PCSK5: variants seen among roughly 807,000 people sequenced by gnomAD.
PCSK5 encodes prohormone convertase 5.
In PCSK5, 129 loss-of-function variants were observed where a neutral mutation model predicts 233.2. The ratio of observed to expected loss-of-function variants is 0.55; its 90% confidence interval spans 0.48 to 0.64. PCSK5 has a LOEUF of 0.64. PCSK5 is among the 30% of genes least tolerant of loss of function. The pLI, the probability that PCSK5 is intolerant of heterozygous loss-of-function variation, is 0.00. For missense variants in PCSK5, 2,076 were observed against 2,430.1 expected (o/e 0.85, Z 3.06); for synonymous variants, 825 against 879.2 (o/e 0.94, Z 1.09).
chr9:76,081,264 G>T (rs947724550), intron 7 of PCSK5, among the ~76,000 whole-genome samples: 3 of 152,068 alleles, frequency 2.0e-5, no homozygotes, highest in Admixed American at 6.6e-5. Context: ...AACCAGCTTG[G>T]CCAACATGGT....
At chr9:76,138,901 C>A (rs915244863) in intron 10 of PCSK5, among the ~76,000 whole-genome samples, 15 of 151,890 alleles carry the variant, frequency 9.9e-5, no homozygotes, top group Admixed American at 7.9e-4. Context: ...CTCTTTTTTT[C>A]TACCAGCATG....
intron 1 of PCSK5, among the ~76,000 whole-genome samples, chr9:75,928,850 T>G (rs1256888463): frequency 1.3e-5 from 2 of 151,850 alleles, no homozygotes; most frequent in African/African-American, 2.4e-5. Flanking sequence ...AATGTGATAA[T>G]TCTTTGATAC....
intron 7 of PCSK5, among the ~76,000 whole-genome samples, chr9:76,091,709 C>T (rs1471431178): frequency 3.3e-5 from 5 of 152,082 alleles, no homozygotes; most frequent in Admixed American, 2.0e-4. Context: ...ATTCACCAGC[C>T]CCCTGCCTGC....
intron 27 of PCSK5, among the ~76,000 whole-genome samples, chr9:76,298,228 G>T (rs140505628): frequency 4.0e-4 from 61 of 151,998 alleles, no homozygotes; most frequent in Admixed American, 7.9e-4. Context: ...ACTGGACTAC[G>T]CATTTTGCAA....
rs754185683 is a variant in PCSK5 at position 76,358,883 on chromosome 9, G to T, written c.5625G>T (p.Glu1875Asp). 9.3e-6 allele frequency: 15 copies of T among 1,612,726 alleles called. No individual in the cohort carries two copies. The South Asian group carries it at 1.5e-4, about 17-fold the overall frequency. ...TGCTGGATGACGATGACATAGATGA[G>T]CTGGAATATGATGACGAGAGTTACT... ...YGLLDDDDID[E>D]LEYDDESYSY... The change falls in exon 38 of 38, where the codon GAG (glutamate) becomes GAT (aspartate). Residue 1875 changes from glutamate (E) to aspartate (D), a missense_variant. Coordinates refer to ENST00000674117, the MANE Select transcript of PCSK5 (RefSeq NM_001372043.1).
rs1229905922 is a variant in PCSK5 at position 76,350,906 on chromosome 9, T to A, written c.5045T>A (p.Val1682Glu). The stretch of plus-strand genomic sequence containing the variant: ...GGGATCTGCACCTCGGACTGTCTTG[T>A]GGGGGAATACAGAGTGGGAGAGGTA... Reference protein sequence around the residue: ...MGGICTSDCLVGEYRVGEGEK... With the variant: ...MGGICTSDCLEGEYRVGEGEK... The change falls in exon 36 of 38, where the codon GTG becomes GAG. Residue 1682 changes from valine (V) to glutamate (E), a missense_variant. Physicochemically the swap from Val to Glu is moderately radical, Grantham distance 121 (BLOSUM62 -2). This residue lies in a region of PCSK5 where 1,510 missense variants were observed against 1,538.1 expected (regional missense o/e 0.98). Transcript: ENST00000674117. The A allele has an allele frequency of 1.2e-6, 2 of 1,603,062 alleles. No individual in the cohort carries two copies.
At chr9:76,012,624 G>A (rs1054662873) in intron 3 of PCSK5, among the ~76,000 whole-genome samples, 2 of 152,128 alleles carry the variant, frequency 1.3e-5, no homozygotes, top group East Asian at 3.8e-4. Flanking sequence ...TTTATTTGAG[G>A]TCATTATGTG....
rs1255264409 is a variant in PCSK5 at position 75,948,310 on chromosome 9, GC to G, written c.297+15834del. On this transcript the variant is annotated intron_variant, in intron 2 of 37. Transcript: ENST00000674117. ...TTCCCCTAATGCTATCCCTCCCCTC[GC>G]CCCCCCACCCCCCGAAAGGCCCCAT... Among the ~76,000 whole-genome samples the G allele has an allele frequency of 2.2e-4, 10 of 46,300 alleles. No homozygotes were observed. The East Asian group carries it at 6.8e-3, about 31-fold the overall frequency. 30.4% of individuals were successfully genotyped at this position (46,300 alleles called of 152,430 possible).
At chr9:76,096,256 TAGA>T (rs1207822741) in intron 8 of PCSK5, among the ~76,000 whole-genome samples, 154 bp downstream of exon 8, 1 of 151,750 alleles carries the variant, frequency 6.6e-6, no homozygotes. Context: ...TCGCTGATAA[TAGA>T]AGAAGTTGTA....
chr9:76,141,548 T>A (rs985613391), intron 10 of PCSK5, among the ~76,000 whole-genome samples: 1 of 152,144 alleles, frequency 6.6e-6, no homozygotes, highest in African/African-American at 2.4e-5. Flanking sequence ...GACACAGGTA[T>A]ACATCCATGT....
intron 25 of PCSK5, among the ~76,000 whole-genome samples, chr9:76,293,437 G>GT (rs970244898): frequency 7.9e-5 from 12 of 152,106 alleles, no homozygotes; most frequent in African/African-American, 2.9e-4. Context: ...GACCCACTTT[G>GT]TTTTTTTGGG....
chr9:75,969,872 C>CTTTT (rs35326945), intron 2 of PCSK5, among the ~76,000 whole-genome samples: 4 of 138,440 alleles, frequency 2.9e-5, no homozygotes, highest in Non-Finnish European at 3.1e-5. Context: ...TCCAGAAATC[C>CTTTT]TTTTTTTTTT....
At position 75,908,935 on chromosome 9, in the gene PCSK5, CTCTCTGTCTATCTA is replaced by C. The variant is rs1564074965; in HGVS notation, c.192+17566_192+17579del. 1.8e-4 allele frequency among the ~76,000 whole-genome samples: 21 copies of C among 116,358 alleles called. No homozygotes were observed. The South Asian group carries it at 2.1e-3, about 12-fold the overall frequency. The allele number at this position is 116,358 out of a possible 152,430, so 76.3% of individuals were successfully genotyped here. ...TCTATCTATCTATCTCTCTATCTCT[CTCTCTGTCTATCTA>C]TCTATCTATCTATCTATCTATCTAT... On this transcript the variant is annotated intron_variant, in intron 1 of 37. Coordinates refer to ENST00000674117, the MANE Select transcript of PCSK5 (RefSeq NM_001372043.1).
At chr9:75,904,637 C>G (rs1826182948) in intron 1 of PCSK5, among the ~76,000 whole-genome samples, 1 of 152,140 alleles carries the variant, frequency 6.6e-6, no homozygotes, top group African/African-American at 2.4e-5. Context: ...CAGATCATTA[C>G]AAGTGTTGAT....
chr9:75,921,576 G>C (rs571126977), intron 1 of PCSK5, among the ~76,000 whole-genome samples: 2 of 148,670 alleles, frequency 1.3e-5, no homozygotes, highest in Middle Eastern at 3.4e-3. Context: ...TTGTGTGTGT[G>C]TGTGTATGTG....
intron 1 of PCSK5, among the ~76,000 whole-genome samples, chr9:75,916,404 ACT>A (rs1197124423): frequency 6.6e-6 from 1 of 152,146 alleles, no homozygotes; most frequent in African/African-American, 2.4e-5. Context: ...CTGGGCAACC[ACT>A]CTATCCCACC....
At chr9:76,171,655 ACT>A (rs1169199800) in intron 13 of PCSK5, among the ~76,000 whole-genome samples, 3 of 151,956 alleles carry the variant, frequency 2.0e-5, no homozygotes, top group Non-Finnish European at 4.4e-5. Flanking sequence ...TGCACTTAAA[ACT>A]CTACAGTAGC....
At chr9:75,934,845 A>T (rs1467341547) in intron 2 of PCSK5, among the ~76,000 whole-genome samples, 1 of 152,018 alleles carries the variant, frequency 6.6e-6, no homozygotes, top group African/African-American at 2.4e-5. Flanking sequence ...TCAGCCTCCC[A>T]AAGTGCTGGG....
At chr9:76,022,309 A>G (rs1828229041) in intron 3 of PCSK5, among the ~76,000 whole-genome samples, 1 of 152,218 alleles carries the variant, frequency 6.6e-6, no homozygotes, top group Non-Finnish European at 1.5e-5. Flanking sequence ...ACTGAGGAAC[A>G]TATACTTTAT....
Sources: gnomAD v4.1 joint callset for allele counts (sites outside exome capture counted in the v4.1 genomes callset) on GRCh38, gnomAD v4.1.1 for gene constraint, gnomAD v4.1.1 regional missense constraint, MANE v1.5 for transcripts, NCBI Gene and HGNC (gene_info 2026-07-23, HGNC 2026-07-21) for gene names.